The following CNOT2 variants were observed in gnomAD, a reference collection of about 807,000 sequenced individuals.
The protein encoded by CNOT2 is CC chemokine receptor 4-negative regulator of transcription 2.
CNOT2 carries 7 observed loss-of-function variants against 72.1 expected under a neutral mutation model. The observed-to-expected ratio is 0.10, with a 90% confidence interval of 0.06 to 0.18. CNOT2 has a LOEUF of 0.18. CNOT2 is among the 10% of genes least tolerant of loss of function. CNOT2 has a pLI of 1.00. For missense variants in CNOT2, 345 were observed against 660.3 expected (o/e 0.52, Z 5.23); for synonymous variants, 196 against 225.6 (o/e 0.87, Z 1.17).
In CNOT2 at chr12:70,288,832, A is replaced by G. The variant is rs1871363639; in HGVS notation, c.48+10558A>G. Among the ~76,000 whole-genome samples, 6 of 152,168 alleles carry G rather than the reference A, an allele frequency of 3.9e-5. No individual in the cohort carries two copies. In the South Asian group the frequency reaches 1.2e-3, roughly 32 times the overall value. On this transcript the variant is annotated intron_variant, in intron 2 of 15. Coordinates refer to ENST00000229195, the MANE Select transcript of CNOT2 (RefSeq NM_014515.7). ...GCTGAAATCTCACTTCCTAAGGGAA[A>G]CATTTTCTGCTTAGACTTCTGTTAC...
chr12:70,353,601 C>G (rs1451108502), intron 15 of CNOT2, among the ~76,000 whole-genome samples: 1 of 151,984 alleles, frequency 6.6e-6, no homozygotes, highest in East Asian at 1.9e-4. Flanking sequence ...AGTCTCTTGA[C>G]TTACACACAG....
intron 2 of CNOT2, among the ~76,000 whole-genome samples, chr12:70,310,088 G>T (rs1057299349): frequency 3.9e-5 from 6 of 152,004 alleles, no homozygotes; most frequent in African/African-American, 1.4e-4. Flanking sequence ...ATCTAGAGAT[G>T]ATTTAAAGTA....
chr12:70,338,643 G>A lies in CNOT2; in HGVS notation c.1022-23G>A, dbSNP rs376732718. ...TTTTAACTTTTTCTTGAAAATAAAA[G>A]CAACTGTGTTTTTCCTACCCAGGTC... On this transcript the variant is annotated intron_variant, in intron 10 of 15. Coordinates refer to ENST00000229195, the MANE Select transcript of CNOT2 (RefSeq NM_014515.7). The A allele has an allele frequency of 4.9e-5, 79 of 1,596,580 alleles. No individual in the cohort carries two copies. In the Middle Eastern group the frequency reaches 1.2e-3, roughly 24 times the overall value.
chr12:70,249,411 AC>A (rs1958031696), intron 1 of CNOT2, among the ~76,000 whole-genome samples: 1 of 151,832 alleles, frequency 6.6e-6, no homozygotes, highest in Non-Finnish European at 1.5e-5. Context: ...TAAGTTTAAA[AC>A]TTAGCATTTA....
intron 4 of CNOT2, among the ~76,000 whole-genome samples, 153 bp from the exon 5 acceptor site, chr12:70,329,270 C>G (rs1879567261): frequency 6.6e-6 from 1 of 151,798 alleles, no homozygotes; most frequent in Non-Finnish European, 1.5e-5. Flanking sequence ...TTGTTAAAAT[C>G]AGAGTTTATT....
intron 15 of CNOT2, among the ~76,000 whole-genome samples, chr12:70,348,342 C>T (rs1882459780): frequency 6.6e-6 from 1 of 152,168 alleles, no homozygotes; most frequent in Admixed American, 6.5e-5. Flanking sequence ...ATACCTCCAT[C>T]ATTTATGATT....
At chr12:70,319,262 TTTC>T in intron 3 of CNOT2, 33 bp from the exon 4 acceptor site, 3 of 1,583,960 alleles carry the variant, frequency 1.9e-6, no homozygotes, top group Non-Finnish European at 2.6e-6. Flanking sequence ...TCTGCTCTGT[TTTC>T]TTTATGCTCT....
intron 4 of CNOT2, chr12:70,322,455 C>T (rs1302462111): frequency 6.6e-6 from 1 of 151,756 alleles, no homozygotes; most frequent in Non-Finnish European, 1.5e-5. Context: ...TAGTTACCAA[C>T]AGGATCTAGG....
chr12:70,316,975 A>G (rs12320488), intron 3 of CNOT2, among the ~76,000 whole-genome samples: 2,033 of 152,288 alleles, frequency 0.013, 44 homozygotes, highest in African/African-American at 0.046. Context: ...TTGTTTGACA[A>G]TATTCACATT....
chr12:70,266,695 C>T (rs981955940), intron 1 of CNOT2, among the ~76,000 whole-genome samples: 1 of 152,098 alleles, frequency 6.6e-6, no homozygotes, highest in African/African-American at 2.4e-5. Context: ...ATTTAACATA[C>T]ATTTCTTAGC....
intron 2 of CNOT2, among the ~76,000 whole-genome samples, chr12:70,303,952 C>G (rs1039170394): frequency 2.6e-5 from 4 of 152,166 alleles, no homozygotes; most frequent in Non-Finnish European, 5.9e-5. Flanking sequence ...GCATTTCATT[C>G]ATTTCGTCTT....
chr12:70,299,050 T>G (rs1209213192), intron 2 of CNOT2, among the ~76,000 whole-genome samples: 1 of 151,862 alleles, frequency 6.6e-6, no homozygotes, highest in East Asian at 1.9e-4. Context: ...CGAGACTGGG[T>G]AGTTTATAAG....
chr12:70,305,873 G>GTTTTT (rs11412509), intron 2 of CNOT2, among the ~76,000 whole-genome samples: 1,185 of 59,178 alleles, frequency 0.02, 20 homozygotes, highest in Non-Finnish European at 0.027. Flanking sequence ...TCTGAAGTTT[G>GTTTTT]TTTTTTTTTT....
At chr12:70,351,715 C>G (rs1198753359) in intron 15 of CNOT2, among the ~76,000 whole-genome samples, 1 of 152,074 alleles carries the variant, frequency 6.6e-6, no homozygotes, top group Admixed American at 6.5e-5. Flanking sequence ...TTCCCTGTAA[C>G]TACACATTTT....
chr12:70,277,123 G>A (rs1868961407), intron 1 of CNOT2, among the ~76,000 whole-genome samples: 1 of 151,902 alleles, frequency 6.6e-6, no homozygotes, highest in African/African-American at 2.4e-5. Flanking sequence ...TTAAATAATA[G>A]CTCTGAATTT....
chr12:70,260,808 A>G (rs1382332097), intron 1 of CNOT2, among the ~76,000 whole-genome samples: 3 of 148,626 alleles, frequency 2.0e-5, no homozygotes, highest in African/African-American at 4.9e-5. Context: ...GTAATCTGCA[A>G]TTAGAGGTAG....
chr12:70,353,529 GC>G (rs1883131115), intron 15 of CNOT2, among the ~76,000 whole-genome samples: 1 of 151,930 alleles, frequency 6.6e-6, no homozygotes, highest in African/African-American at 2.4e-5. Context: ...TACAGTAATT[GC>G]CCCCTCTTTT....
At chr12:70,268,994 C>T (rs1959170265) in intron 1 of CNOT2, among the ~76,000 whole-genome samples, 1 of 152,204 alleles carries the variant, frequency 6.6e-6, no homozygotes, top group South Asian at 2.1e-4. Context: ...TCTCACCCAT[C>T]ATTTTCTTTT....
intron 15 of CNOT2, among the ~76,000 whole-genome samples, chr12:70,352,791 A>G (rs889027900): frequency 2.0e-5 from 3 of 152,268 alleles, no homozygotes; most frequent in Non-Finnish European, 4.4e-5. Flanking sequence ...CTGCATCTCT[A>G]TTCTTGATCT....
Sources: gnomAD v4.1 joint callset for allele counts (sites outside exome capture counted in the v4.1 genomes callset) on GRCh38, gnomAD v4.1.1 for gene constraint, MANE v1.5 for transcripts, NCBI Gene and HGNC (gene_info 2026-07-23, HGNC 2026-07-21) for gene names.